The following EHHADH variants were observed in gnomAD, a reference collection of about 807,000 sequenced individuals.
EHHADH encodes enoyl-CoA hydratase and 3-hydroxyacyl CoA dehydrogenase.
EHHADH carries 48 observed loss-of-function variants against 64.4 expected under a neutral mutation model. The ratio of observed to expected loss-of-function variants is 0.75; its 90% CI spans 0.59 to 0.95. The LOEUF is 0.95. Ranked by LOEUF, EHHADH falls within the 40% of genes least tolerant of loss-of-function variation. The pLI is 0.00. For missense variants in EHHADH, 854 were observed against 876.6 expected (o/e 0.97, Z 0.33); for synonymous variants, 308 against 326.7 (o/e 0.94, Z 0.62).
At chr3:185,251,464 G>A (rs1560024324) in intron 1 of EHHADH, among the ~76,000 whole-genome samples, 1 of 152,176 alleles carries the variant, frequency 6.6e-6, no homozygotes, top group African/African-American at 2.4e-5. Context: ...TCGTGTGAAA[G>A]CCATTGTTCT....
In EHHADH at chr3:185,235,852, A is replaced by G. The variant is rs139379408; in HGVS notation, c.179-390T>C. On this transcript the variant is annotated intron_variant, in intron 2 of 6. Transcript: ENST00000231887. ...TTGAGTCAGCCCCTCTCATTTTTGT[A>G]TGTGTGATACTGTTAATCAAGTCTA... 4.5e-3 allele frequency among the ~76,000 whole-genome samples: 689 copies of G among 152,264 alleles called. 8 individuals carry two copies. The highest frequency in any genetic ancestry group is 0.016 in the African/African-American group (657 of 41,552).
At chr3:185,195,836 A>G (rs745400143) in intron 6 of EHHADH, among the ~76,000 whole-genome samples, 18 of 152,198 alleles carry the variant, frequency 1.2e-4, no homozygotes, top group Admixed American at 1.0e-3. Context: ...TGTGTTCACT[A>G]CTTGAGTGAA....
intron 2 of EHHADH, among the ~76,000 whole-genome samples, chr3:185,244,445 G>T (rs1719539907): frequency 6.6e-6 from 1 of 152,136 alleles, no homozygotes; most frequent in Admixed American, 6.5e-5. Context: ...ATTTATAAAT[G>T]AAATTAGCCT....
At position 185,229,091 on chromosome 3, in the gene EHHADH, C is replaced by T. The variant is rs540605947; in HGVS notation, c.463+341G>A. ...GATTACAGGCATGAGCCACTGCGTGCGGCCTATATTACAATTTCTAAATTA... is the reference window on the plus strand; with the variant it reads ...GATTACAGGCATGAGCCACTGCGTGTGGCCTATATTACAATTTCTAAATTA... On this transcript the variant is annotated intron_variant, in intron 4 of 6. Coordinates refer to ENST00000231887, the MANE Select transcript of EHHADH (RefSeq NM_001966.4). Among the ~76,000 whole-genome samples, 435 of 152,266 alleles carry T rather than the reference C, an allele frequency of 2.9e-3. 2 individuals are homozygous for T. Among genetic ancestry groups the T allele is most frequent in the Non-Finnish European group, 4.3e-3 (290 of 68,030 alleles).
intron 6 of EHHADH, among the ~76,000 whole-genome samples, chr3:185,196,538 G>A (rs549272958): frequency 6.6e-6 from 1 of 152,288 alleles, no homozygotes; most frequent in Non-Finnish European, 1.5e-5. Context: ...TACTTGGGAG[G>A]CTGAGGCAGG....
Position 185,229,514 on chromosome 3 carries a change from C to A in EHHADH, c.381G>T (p.Leu127=), listed in dbSNP as rs1062554. 3 of 1,573,322 alleles carry A rather than the reference C, an allele frequency of 1.9e-6. No homozygotes were observed. The highest frequency in any genetic ancestry group is 2.5e-5 in the South Asian group (2 of 81,270). Residue 127 remains leucine, a synonymous_variant, in exon 4 of 7, where the codon CTG becomes CTT. Coordinates refer to ENST00000231887, the MANE Select transcript of EHHADH (RefSeq NM_001966.4). The part of the protein sequence containing the change: ...EAQVGLPEVT[L]GLLPGARGTQ... ...TTCCTCTTGCACCAGGGAGAAGTCC[C>A]AGTGTAACTTCTGGTAAGCCAACTT...
rs1218329677 is a variant in EHHADH at position 185,254,003 on chromosome 3, A to T, written c.20T>A (p.Leu7Gln). 6.2e-7 allele frequency: 1 copy of T among 1,613,952 alleles called. No individual in the cohort carries two copies. Residue 7 changes from leucine to glutamine, a missense_variant, in exon 1 of 7, where the codon CTG becomes CAG. Physicochemically the swap from Leu to Gln is moderately radical, Grantham distance 113. Coordinates refer to ENST00000231887, the MANE Select transcript of EHHADH (RefSeq NM_001966.4). ...GCGGATTAGCGCCAAGGCGTTGTGC[A>T]GCCGCGTATACTCGGCCATGTTTCC... is the stretch of plus-strand genomic sequence containing the variant. MAEYTR[L>Q]HNALALIRLR...
At chr3:185,219,328 C>A (rs1380536942) in intron 4 of EHHADH, among the ~76,000 whole-genome samples, 1 of 152,134 alleles carries the variant, frequency 6.6e-6, no homozygotes, top group Non-Finnish European at 1.5e-5. Flanking sequence ...TGGCCCATGA[C>A]CCCAGTTAGT....
At chr3:185,234,378 T>C (rs56113864) in intron 3 of EHHADH, among the ~76,000 whole-genome samples, 19,808 of 152,166 alleles carry the variant, frequency 0.13, 1,905 homozygotes, top group African/African-American at 0.26. Flanking sequence ...AAATGTATAC[T>C]TAGAAGTGAC....
At position 185,192,910 on chromosome 3, in the gene EHHADH, T is replaced by C; in HGVS notation, c.1488A>G (p.Leu496=). ...NPYYNQAYFL[L]EEGSKPEEVD... is the part of the protein sequence containing the mutation. ...CCTCCTCTGGTTTGCTGCCTTCTTC[T>C]AACAAGAAATATGCCTGATTGTAGT... is the stretch of plus-strand genomic sequence containing the variant. Residue 496 remains leucine (L), a synonymous_variant, in exon 7 of 7, where the codon TTA becomes TTG. Coordinates refer to ENST00000231887, the MANE Select transcript of EHHADH (RefSeq NM_001966.4). The C allele has an allele frequency of 6.2e-7, 1 of 1,614,176 alleles. No homozygotes were observed. Among genetic ancestry groups the C allele is most frequent in the East Asian group, 2.2e-5 (1 of 44,882 alleles).
intron 5 of EHHADH, 50 bp from the exon 6 acceptor site, chr3:185,204,807 G>C: frequency 6.9e-7 from 1 of 1,447,734 alleles, no homozygotes; most frequent in South Asian, 1.3e-5. Flanking sequence ...CTTGTACAAA[G>C]GGAATGTGAA....
intron 6 of EHHADH, among the ~76,000 whole-genome samples, chr3:185,194,605 T>G (rs904491964): frequency 5.1e-5 from 7 of 136,884 alleles, no homozygotes; most frequent in Non-Finnish European, 7.6e-5. Context: ...AGATTGAAAC[T>G]CTGTAACAAC....
intron 2 of EHHADH, among the ~76,000 whole-genome samples, chr3:185,244,460 T>C (rs979973898): frequency 6.6e-6 from 1 of 152,212 alleles, no homozygotes; most frequent in African/African-American, 2.4e-5. Context: ...TAGCCTGTAA[T>C]TTTTCTTTTC....
intron 6 of EHHADH, among the ~76,000 whole-genome samples, chr3:185,200,352 A>T (rs965149013): frequency 3.3e-5 from 5 of 152,176 alleles, no homozygotes; most frequent in Admixed American, 2.0e-4. Flanking sequence ...AAATTACTCA[A>T]TACTATATAA....
At chr3:185,193,745 T>C (rs1004025560) in intron 6 of EHHADH, among the ~76,000 whole-genome samples, 12 of 152,086 alleles carry the variant, frequency 7.9e-5, no homozygotes, top group Non-Finnish European at 1.5e-4. Context: ...AGGTACACAA[T>C]TGATATACAA....
At chr3:185,248,363 A>G (rs1334863020) in intron 2 of EHHADH, 51 bp downstream of exon 2, 1 of 1,297,400 alleles carries the variant, frequency 7.7e-7, no homozygotes, top group Admixed American at 1.7e-5. Flanking sequence ...TATTGGTCTC[A>G]GTCTGTGGCT....
chr3:185,233,441 A>T (rs559505504), intron 3 of EHHADH, among the ~76,000 whole-genome samples: 3 of 152,178 alleles, frequency 2.0e-5, no homozygotes, highest in Non-Finnish European at 4.4e-5. Context: ...GGAGGAATTG[A>T]ACAAAAAAAC....
At chr3:185,251,761 G>C (rs1394689569) in intron 1 of EHHADH, among the ~76,000 whole-genome samples, 2 of 151,888 alleles carry the variant, frequency 1.3e-5, no homozygotes, top group Admixed American at 1.3e-4. Context: ...AAAAATTGAG[G>C]AATCTGTTAA....
chr3:185,195,564 T>C (rs1411844267), intron 6 of EHHADH, among the ~76,000 whole-genome samples: 1 of 152,206 alleles, frequency 6.6e-6, no homozygotes, highest in African/African-American at 2.4e-5. Context: ...GAATGTTCAG[T>C]AGCAGCATTA....
Sources: allele counts gnomAD v4.1 joint callset (sites outside exome capture counted in the v4.1 genomes callset), GRCh38; gene constraint gnomAD v4.1.1; transcripts MANE v1.5; gene names NCBI Gene and HGNC (gene_info 2026-07-23, HGNC 2026-07-21).